The following PLCL2 variants were observed in gnomAD, a reference collection of about 807,000 sequenced individuals.
PLCL2 encodes the protein phospholipase C like 2.
In PLCL2, 4 loss-of-function variants were observed where a neutral mutation model predicts 79.6. The ratio of observed to expected loss-of-function variants is 0.05; its 90% CI spans 0.02 to 0.11. The LOEUF (loss-of-function observed/expected upper bound fraction) is 0.11. Among genes scored for constraint, PLCL2 ranks in the 10% least tolerant of loss-of-function variants. The pLI is 1.00. For synonymous variants in PLCL2, 484 were observed against 457.7 expected (o/e 1.06, Z -0.73); for missense variants, 895 against 1,291.0 (o/e 0.69, Z 4.70).
rs758060101 is a variant in PLCL2 at position 17,009,639 on chromosome 3, T to G, written c.328-35T>G. 7.2e-6 allele frequency: 8 copies of G among 1,117,364 alleles called. No homozygotes were observed. The highest frequency in any genetic ancestry group is 1.0e-5 in the Non-Finnish European group (8 of 781,434). The allele number at this position is 1,117,364 out of a possible 1,614,324, so 69.2% of individuals were successfully genotyped here. Reference sequence around the variant, plus strand: ...TCTTGAACATAGAAACCTATATTTATGTTATTCTAATATACGGTCTTTTTT... The same window carrying G: ...TCTTGAACATAGAAACCTATATTTAGGTTATTCTAATATACGGTCTTTTTT... On this transcript the variant is annotated intron_variant, in intron 1 of 5. Transcript: ENST00000615277. The surrounding 1 kb of genome is among the most constrained non-coding windows in gnomAD (Gnocchi z 4.0).
At chr3:16,970,056 A>T (rs75557104) in intron 1 of PLCL2, among the ~76,000 whole-genome samples, 10,328 of 144,678 alleles carry the variant, frequency 0.071, 623 homozygotes, top group African/African-American at 0.16. Flanking sequence ...ATATATATAT[A>T]TATTTTATTT....
chr3:16,976,202 GTA>G (rs2063924220), intron 1 of PLCL2, among the ~76,000 whole-genome samples: 1 of 152,116 alleles, frequency 6.6e-6, no homozygotes, highest in Non-Finnish European at 1.5e-5. Flanking sequence ...ATTTGTGCGT[GTA>G]TATATGTGTG....
At chr3:16,956,773 C>G (rs1287746828) in intron 1 of PLCL2, among the ~76,000 whole-genome samples, 5 of 152,080 alleles carry the variant, frequency 3.3e-5, no homozygotes, top group Non-Finnish European at 4.4e-5. Context: ...TGTATGTGTC[C>G]AGGAATTTAT....
intron 1 of PLCL2, among the ~76,000 whole-genome samples, chr3:16,909,004 G>A (rs1026385275): frequency 5.7e-4 from 87 of 151,974 alleles, no homozygotes; most frequent in Admixed American, 6.6e-5. Flanking sequence ...ATTTTTTCCC[G>A]TATTATAAAA....
intron 1 of PLCL2, among the ~76,000 whole-genome samples, chr3:16,891,792 T>C (rs1004618646): frequency 6.6e-6 from 1 of 152,230 alleles, no homozygotes; most frequent in African/African-American, 2.4e-5. Context: ...TTACAACCTA[T>C]GCTGGAGCCC....
chr3:16,979,961 G>A (rs1274605770), intron 1 of PLCL2, among the ~76,000 whole-genome samples: 2 of 145,762 alleles, frequency 1.4e-5, no homozygotes, highest in South Asian at 2.2e-4. Flanking sequence ...CTGGCCGGAC[G>A]GGGGGCTGAC....
intron 1 of PLCL2, among the ~76,000 whole-genome samples, chr3:16,979,838 C>T (rs1280268249): frequency 6.6e-6 from 1 of 150,418 alleles, no homozygotes; most frequent in Non-Finnish European, 1.5e-5. Flanking sequence ...GGCCCGTTCT[C>T]AATGAGCTGT....
intron 1 of PLCL2, among the ~76,000 whole-genome samples, chr3:16,980,254 G>A (rs201085904): frequency 2.9e-4 from 41 of 140,558 alleles, no homozygotes; most frequent in South Asian, 4.9e-4. Context: ...CGGATGGGGC[G>A]GCTGGCCGGG....
At position 17,012,024 on chromosome 3, in the gene PLCL2, G is replaced by T; in HGVS notation, c.2678G>T (p.Gly893Val). The T allele has an allele frequency of 1.2e-6, 2 of 1,614,160 alleles. No individual in the cohort carries two copies. The highest frequency in any genetic ancestry group is 8.5e-7 in the Non-Finnish European group (1 of 1,179,988). Residue 893 changes from glycine to valine, a missense_variant, in exon 2 of 6, where the codon GGC (glycine) becomes GTC (valine). Physicochemically the swap from Gly to Val is moderately radical, Grantham distance 109. Coordinates refer to ENST00000615277, the MANE Select transcript of PLCL2 (RefSeq NM_001144382.2). The part of the protein sequence containing the change: ...RRGGGKPHKR[G>V]LSVRKGKKSR... The stretch of plus-strand genomic sequence containing the variant: ...GGAGGAGGAAAGCCTCATAAAAGGG[G>T]CCTTTCTGTGAGAAAAGGGAAGAAA...
At chr3:16,944,517 T>A (rs2063582788) in intron 1 of PLCL2, among the ~76,000 whole-genome samples, 1 of 151,980 alleles carries the variant, frequency 6.6e-6, no homozygotes, top group South Asian at 2.1e-4. Context: ...TTAAATGAGG[T>A]CATTGGGATG....
chr3:17,090,277 GGAGA>G lies in PLCL2; in HGVS notation c.*366_*369del. 1.0e-6 allele frequency: 1 copy of G among 968,202 alleles called. No homozygotes were observed. Among genetic ancestry groups the G allele is most frequent in the Non-Finnish European group, 1.2e-6 (1 of 819,572 alleles). The allele number at this position is 968,202 out of a possible 1,614,324, so 60.0% of individuals were successfully genotyped here. On this transcript the variant is annotated 3_prime_UTR_variant, in exon 6 of 6. Coordinates refer to ENST00000615277, the MANE Select transcript of PLCL2 (RefSeq NM_001144382.2). ...TTGGATTGTCAAATTATTATTTATTGGAGAAAAAAACCTGATCTACACATTTTTA... is the reference window on the plus strand; with the variant it reads ...TTGGATTGTCAAATTATTATTTATTGAAAAAACCTGATCTACACATTTTTA...
intron 1 of PLCL2, among the ~76,000 whole-genome samples, chr3:16,967,237 T>C (rs1392478192): frequency 6.6e-6 from 1 of 152,160 alleles, no homozygotes; most frequent in South Asian, 2.1e-4. Flanking sequence ...AACACATGCA[T>C]GTGTCTCTAT....
chr3:17,015,613 C>G (rs2064375479), intron 3 of PLCL2, among the ~76,000 whole-genome samples: 1 of 152,106 alleles, frequency 6.6e-6, no homozygotes, highest in African/African-American at 2.4e-5. Context: ...TTCAACCTAT[C>G]AGGGTTAAGG....
At chr3:16,943,341 T>A (rs956761217) in intron 1 of PLCL2, among the ~76,000 whole-genome samples, 1 of 152,212 alleles carries the variant, frequency 6.6e-6, no homozygotes, top group African/African-American at 2.4e-5. Context: ...TCCTGAGTGT[T>A]GCTTTAGGTA....
intron 1 of PLCL2, among the ~76,000 whole-genome samples, chr3:16,955,528 TATGAACTTTAA>T (rs1415501114): frequency 1.3e-5 from 2 of 152,148 alleles, no homozygotes; most frequent in Non-Finnish European, 2.9e-5. Context: ...TTTGGTTCCA[TATGAACTTTAA>T]AGTAGTTTTT....
intron 1 of PLCL2, among the ~76,000 whole-genome samples, chr3:16,892,763 A>G (rs1240792018): frequency 2.0e-5 from 3 of 152,192 alleles, no homozygotes; most frequent in Admixed American, 2.0e-4. Context: ...GTCTCATGCA[A>G]GTCTCACCAG....
At chr3:17,000,319 T>G (rs1559513531) in intron 1 of PLCL2, among the ~76,000 whole-genome samples, 1 of 152,268 alleles carries the variant, frequency 6.6e-6, no homozygotes, top group East Asian at 1.9e-4. Flanking sequence ...TTTTTTCAAT[T>G]GATACATTAT....
chr3:16,885,315 C>T lies in PLCL2; in HGVS notation c.276C>T (p.Leu92=). The change falls in exon 1 of 6, where the codon CTC becomes CTT. Residue 92 remains leucine, a synonymous_variant. Coordinates refer to ENST00000615277, the MANE Select transcript of PLCL2 (RefSeq NM_001144382.2). ...CCCCCAGCGCGGTCGTCTGTACCCT[C>T]CCCCGGGAGAGCAAGCCGGGCGGCC... is the stretch of plus-strand genomic sequence containing the variant. ...APTPSAVVCT[L]PRESKPGGLP... 2 of 666,330 alleles carry T rather than the reference C, an allele frequency of 3.0e-6. No individual in the cohort carries two copies. Among genetic ancestry groups the T allele is most frequent in the Non-Finnish European group, 2.7e-6 (1 of 368,152 alleles). The allele number at this position is 666,330 out of a possible 1,614,324, so 41.3% of individuals were successfully genotyped here. A position where few individuals can be genotyped will look rare whatever the true frequency, so the allele number is the denominator to read the frequency against.
At chr3:17,077,463 G>A (rs1249698442) in intron 5 of PLCL2, among the ~76,000 whole-genome samples, 3 of 151,736 alleles carry the variant, frequency 2.0e-5, no homozygotes, top group Non-Finnish European at 4.4e-5. Flanking sequence ...TTTTAGTTTT[G>A]CTGCTGTTTG....
Sources: allele counts gnomAD v4.1 joint callset (sites outside exome capture counted in the v4.1 genomes callset), GRCh38; gene constraint gnomAD v4.1.1; non-coding constraint Gnocchi (gnomAD v3.1); transcripts MANE v1.5; gene names NCBI Gene and HGNC (gene_info 2026-07-23, HGNC 2026-07-21).